Variants in RABGEF1 observed in about 807,000 individuals in gnomAD.
RABGEF1 encodes RAB guanine nucleotide exchange factor 1.
Under a neutral mutation model 57.3 loss-of-function variants are expected in RABGEF1, and 26 were observed. The ratio of observed to expected loss-of-function variants is 0.45; its 90% CI spans 0.33 to 0.63. The LOEUF (loss-of-function observed/expected upper bound fraction) is 0.63, where lower values mean the gene tolerates loss of function less well. Ranked by LOEUF, RABGEF1 falls within the 20% of genes least tolerant of loss-of-function variation. RABGEF1 has a pLI of 0.02. For missense variants in RABGEF1, 464 were observed against 607.6 expected, an observed-to-expected ratio of 0.76 and a Z score of 2.48; for synonymous variants, 185 against 210.7, an observed-to-expected ratio of 0.88 and a Z score of 1.06.
intron 7 of RABGEF1, among the ~76,000 whole-genome samples, 196 bp from the exon 8 acceptor site, chr7:66,804,944 G>A (rs1244952046): frequency 6.6e-6 from 1 of 152,110 alleles, no homozygotes; most frequent in Non-Finnish European, 1.5e-5. Context: ...AGGGTACACT[G>A]TGTATTACCT....
chr7:66,678,564 C>CAA (rs58309880), upstream of RABGEF1, among the ~76,000 whole-genome samples: 3,299 of 85,714 alleles, frequency 0.038, 300 homozygotes, highest in African/African-American at 0.13. Context: ...GAGTCCGTCT[C>CAA]AAAAAAAAAA....
intron 1 of RABGEF1, chr7:66,756,022 G>A (rs1486713034): frequency 2.8e-5 from 41 of 1,472,924 alleles, no homozygotes; most frequent in Middle Eastern, 4.7e-4. Context: ...TTGGATTACA[G>A]ATTGCAAATG....
intron 4 of RABGEF1, among the ~76,000 whole-genome samples, chr7:66,791,880 G>A (rs974061696): frequency 3.3e-5 from 5 of 152,162 alleles, no homozygotes; most frequent in African/African-American, 4.8e-5. Flanking sequence ...TTAGGAGGCC[G>A]AGGAGGATGG....
chr7:66,712,187 C>T (rs546100175), exon 2 of RABGEF1: 2 of 152,334 alleles, frequency 1.3e-5, no homozygotes, highest in South Asian at 4.1e-4. Flanking sequence ...GAAGCAGTGA[C>T]ATCCAACCTG....
At chr7:66,658,390 G>T in the RABGEF1 span, among the ~76,000 whole-genome samples, 1 of 152,092 alleles carries the variant, frequency 6.6e-6, no homozygotes, top group African/African-American at 2.4e-5. Context: ...AAAATGAGCT[G>T]GGTGTGGTGG....
intron 1 of RABGEF1, among the ~76,000 whole-genome samples, chr7:66,771,449 T>C (rs1285426682): frequency 4.6e-5 from 7 of 152,144 alleles, no homozygotes; most frequent in Non-Finnish European, 7.4e-5. Flanking sequence ...GTGCAGACAT[T>C]TTAAAGTTTG....
chr7:66,760,865 G>A (rs547802783), intron 1 of RABGEF1, among the ~76,000 whole-genome samples: 1 of 152,142 alleles, frequency 6.6e-6, no homozygotes, highest in Non-Finnish European at 1.5e-5. Context: ...TTGACTTTGA[G>A]CCATCCTCCC....
chr7:66,694,088 C>T (rs1321770585), intron 1 of RABGEF1, among the ~76,000 whole-genome samples: 2 of 152,198 alleles, frequency 1.3e-5, no homozygotes, highest in African/African-American at 4.8e-5. Flanking sequence ...GGATTACAGG[C>T]GTGAGCCACT....
intron 1 of RABGEF1, among the ~76,000 whole-genome samples, chr7:66,695,880 C>G (rs752542164): frequency 2.6e-5 from 4 of 151,744 alleles, no homozygotes; most frequent in Non-Finnish European, 5.9e-5. Context: ...GCAGGAGTAT[C>G]ACTTACATCT....
chr7:66,783,395 T>C (rs2055683), intron 3 of RABGEF1, among the ~76,000 whole-genome samples: 147,793 of 152,254 alleles, frequency 0.97, 71,783 homozygotes, highest in Non-Finnish European at 0.99. Flanking sequence ...TAGATCAAAG[T>C]GTGATAGATT....
chr7:66,679,465 C>T (rs1250315812), upstream of RABGEF1, among the ~76,000 whole-genome samples: 1 of 152,104 alleles, frequency 6.6e-6, no homozygotes, highest in Non-Finnish European at 1.5e-5. Flanking sequence ...TAGGCCACCA[C>T]GCCTGGCTAA....
At chr7:66,798,180 G>C (rs528629828) in intron 6 of RABGEF1, among the ~76,000 whole-genome samples, 5 of 152,262 alleles carry the variant, frequency 3.3e-5, no homozygotes, top group African/African-American at 1.2e-4. Context: ...GCATTTTTCA[G>C]CATTCCCTAG....
rs1021372897 is a variant in RABGEF1, at chr7:66,783,712, C to A, written c.384C>A (p.Asn128Lys). 2 of 1,610,736 alleles carry A rather than the reference C, an allele frequency of 1.2e-6. No homozygotes were observed. The highest frequency in any genetic ancestry group is 2.7e-5 in the African/African-American group (2 of 74,790). Residue 128 changes from asparagine to lysine, a missense_variant, in exon 4 of 9, where the codon AAC becomes AAA. Asn to Lys is a moderately conservative substitution (Grantham distance 94). This residue lies in a region of RABGEF1 where 284 missense variants were observed against 389.9 expected (regional missense o/e 0.73). Coordinates refer to ENST00000284957, the MANE Select transcript of RABGEF1 (RefSeq NM_014504.3). ...CAAAAGCTCCCAGTCCTTCCATAAA[C>A]CGGCAAACCAGCATTGAAACGGATA... ...QEAKAPSPSINRQTSIETDRV... is the reference protein window; with the variant it reads ...QEAKAPSPSIKRQTSIETDRV...
At chr7:66,737,562 T>G (rs1798147338), upstream of RABGEF1, among the ~76,000 whole-genome samples, 1 of 152,142 alleles carries the variant, frequency 6.6e-6, no homozygotes, top group Admixed American at 6.6e-5. Flanking sequence ...TTTCAGTAGT[T>G]TAAAACAATT....
intron 1 of RABGEF1, among the ~76,000 whole-genome samples, chr7:66,700,085 G>A (rs930407258): frequency 1.3e-4 from 20 of 152,200 alleles, no homozygotes; most frequent in African/African-American, 4.8e-4. Context: ...GCTGGAGAGG[G>A]ACAAGAGTCC....
At chr7:66,717,425 C>T (rs553818213) in intron 2 of RABGEF1, among the ~76,000 whole-genome samples, 3 of 152,226 alleles carry the variant, frequency 2.0e-5, no homozygotes, top group Non-Finnish European at 2.9e-5. Flanking sequence ...TTTTAAAATA[C>T]TTATTAGACA....
At chr7:66,776,791 AG>A (rs1247362488) in intron 3 of RABGEF1, among the ~76,000 whole-genome samples, 1 of 152,204 alleles carries the variant, frequency 6.6e-6, no homozygotes, top group African/African-American at 2.4e-5. Flanking sequence ...TCTACGAAAA[AG>A]GGGGGAAAAA....
intron 1 of RABGEF1, among the ~76,000 whole-genome samples, chr7:66,751,186 G>A (rs184630593): frequency 6.6e-6 from 1 of 152,072 alleles, no homozygotes. Context: ...GTGCGCCACC[G>A]CACCTGGCTA....
At position 66,730,557 on chromosome 7, in the gene RABGEF1, CTTTTTTTT is replaced by C. The variant is rs888301191; in HGVS notation, c.-814-9428_-814-9421del. On this transcript the variant is annotated intron_variant and NMD_transcript_variant, in intron 2 of 9. Coordinates refer to the RABGEF1 transcript ENST00000607882. ...CACATATAGCACTTGGTTTCTTTTT[CTTTTTTTT>C]TTTTTTTTTTGGTGGCAGGGTCTCA... Among the ~76,000 whole-genome samples, 5 of 130,834 alleles carry C rather than the reference CTTTTTTTT, an allele frequency of 3.8e-5. 1 individual carries two copies. Among genetic ancestry groups the C allele is most frequent in the African/African-American group, 1.1e-4 (4 of 35,930 alleles). 85.8% of individuals were successfully genotyped at this position (130,834 alleles called of 152,430 possible).
Sources: allele counts gnomAD v4.1 joint callset (sites outside exome capture counted in the v4.1 genomes callset), GRCh38; gene constraint gnomAD v4.1.1; regional missense constraint gnomAD v4.1.1; transcripts MANE v1.5; gene names NCBI Gene and HGNC (gene_info 2026-07-23, HGNC 2026-07-21).